Variants in JAKMIP3 observed in about 807,000 individuals in gnomAD.
JAKMIP3 encodes the protein janus kinase and microtubule-interacting protein 3.
Under a neutral mutation model 118.5 loss-of-function variants are expected in JAKMIP3, and 58 were observed. That is an observed-to-expected ratio of 0.49 (90% confidence interval 0.40 to 0.61). The LOEUF (loss-of-function observed/expected upper bound fraction) is 0.61, where lower values mean the gene tolerates loss of function less well. JAKMIP3 is among the 20% of genes least tolerant of loss of function. The pLI, the probability that JAKMIP3 is intolerant of heterozygous loss-of-function variation, is 0.00. For synonymous variants in JAKMIP3, 486 were observed against 451.2 expected, an observed-to-expected ratio of 1.08 and a Z score of -0.98; for missense variants, 950 against 1,109.0, an observed-to-expected ratio of 0.86 and a Z score of 2.04.
chr10:132,163,068 G>T, intron 19 of JAKMIP3, 141 bp from the exon 20 acceptor site: 1 of 781,808 alleles, frequency 1.3e-6, no homozygotes. Flanking sequence ...TTCTGCAGAG[G>T]CCACAGCACT....
chr10:132,178,278 G>A (rs925913792), intron 23 of JAKMIP3, among the ~76,000 whole-genome samples: 3 of 152,176 alleles, frequency 2.0e-5, no homozygotes, highest in African/African-American at 7.2e-5. Context: ...CCTCAGAGGC[G>A]GCCCTGGGCA....
intron 23 of JAKMIP3, among the ~76,000 whole-genome samples, chr10:132,177,449 G>A (rs889818676): frequency 2.0e-5 from 3 of 151,986 alleles, no homozygotes; most frequent in African/African-American, 7.2e-5. Context: ...TGTGCCCTGG[G>A]TAGTGTGCAT....
At chr10:132,039,848 G>T (rs2037664347) in intron 1 of JAKMIP3, among the ~76,000 whole-genome samples, 1 of 152,228 alleles carries the variant, frequency 6.6e-6, no homozygotes, top group African/African-American at 2.4e-5. Flanking sequence ...CACGTGCTGG[G>T]GCGCCTCTGC....
chr10:132,103,750 C>G (rs536502389), intron 1 of JAKMIP3, among the ~76,000 whole-genome samples: 1 of 152,014 alleles, frequency 6.6e-6, no homozygotes, highest in Non-Finnish European at 1.5e-5. Flanking sequence ...CTGGGCCATA[C>G]AGCAGGAGGC....
intron 14 of JAKMIP3, among the ~76,000 whole-genome samples, chr10:132,148,517 C>G (rs1480629280): frequency 2.6e-5 from 4 of 151,452 alleles, no homozygotes; most frequent in Non-Finnish European, 5.9e-5. Flanking sequence ...CGTCCTCCAT[C>G]CGCCCGTCCT....
intron 23 of JAKMIP3, among the ~76,000 whole-genome samples, chr10:132,180,646 C>CGTGCGCGT (rs2060948892): frequency 4.8e-4 from 4 of 8,314 alleles, no homozygotes; most frequent in African/African-American, 2.5e-3. Context: ...TGCGTGTGTG[C>CGTGCGCGT]GTGTGCGTGT....
At chr10:132,159,317 T>TGGAG (rs1199060853) in intron 19 of JAKMIP3, among the ~76,000 whole-genome samples, 1 of 113,024 alleles carries the variant, frequency 8.8e-6, no homozygotes, top group Admixed American at 1.1e-4. Flanking sequence ...TGTGTGATGC[T>TGGAG]GAGGGCGCCT....
intron 21 of JAKMIP3, 39 bp downstream of exon 21, chr10:132,164,774 C>G: frequency 7.0e-7 from 1 of 1,425,038 alleles, no homozygotes; most frequent in Non-Finnish European, 9.9e-7. Flanking sequence ...TTGTTAAGAT[C>G]AAGGGAGAGG....
At chr10:132,167,154 G>A (rs1252379327) in intron 22 of JAKMIP3, 99 bp downstream of exon 22, 9 of 823,024 alleles carry the variant, frequency 1.1e-5, no homozygotes, top group South Asian at 3.2e-5. Context: ...CCTGCCATTC[G>A]ATCAACTGGA....
intron 4 of JAKMIP3, 100 bp from the exon 5 acceptor site, chr10:132,134,941 T>C: frequency 7.0e-7 from 1 of 1,437,672 alleles, no homozygotes; most frequent in Non-Finnish European, 9.6e-7. Context: ...AAGGCGCGCG[T>C]CCCACGGCAG....
chr10:132,169,260 CT>C (rs1218603637), intron 23 of JAKMIP3, among the ~76,000 whole-genome samples: 1 of 152,094 alleles, frequency 6.6e-6, no homozygotes, highest in Non-Finnish European at 1.5e-5. Context: ...AGACATGGTG[CT>C]CCACGGGGAC....
At chr10:132,080,513 T>A in intron 1 of JAKMIP3, among the ~76,000 whole-genome samples, 1 of 41,104 alleles carries the variant, frequency 2.4e-5, no homozygotes, top group Non-Finnish European at 4.4e-5. Context: ...ATTTTTTTTT[T>A]TTTTTTTTTT....
At chr10:132,074,481 C>T (rs1366219737) in intron 1 of JAKMIP3, among the ~76,000 whole-genome samples, 1 of 152,098 alleles carries the variant, frequency 6.6e-6, no homozygotes, top group Non-Finnish European at 1.5e-5. Flanking sequence ...GGCAGTTTGT[C>T]TGTCTTTTGA....
At chr10:132,121,542 C>A (rs557872878) in intron 3 of JAKMIP3, among the ~76,000 whole-genome samples, 6 of 152,162 alleles carry the variant, frequency 3.9e-5, no homozygotes, top group Admixed American at 1.3e-4. Context: ...CTGCAGGGAG[C>A]GCCAGCCTCT....
intron 12 of JAKMIP3, 114 bp from the exon 13 acceptor site, chr10:132,145,404 G>C: frequency 9.2e-7 from 1 of 1,091,806 alleles, no homozygotes. Flanking sequence ...TGTAGAGACG[G>C]GGCTTTGCCA....
rs544222845 is a variant in JAKMIP3 at position 132,049,425 on chromosome 10, C to A, written c.-138+12687C>A. ...CCCCTTGCCTATTCTTCAACTGCCT[C>A]TTATTAAATTGTCGTTTGTGTTATT... On this transcript the variant is annotated intron_variant, in intron 1 of 23. Transcript: ENST00000657785. The surrounding 1 kb of genome is among the most constrained non-coding windows in gnomAD (Gnocchi z 4.3). Among the ~76,000 whole-genome samples the A allele has an allele frequency of 6.6e-6, 1 of 151,988 alleles. No individual in the cohort carries two copies. Among genetic ancestry groups the A allele is most frequent in the South Asian group, 2.1e-4 (1 of 4,816 alleles).
At chr10:132,074,662 C>T (rs2134058830) in intron 1 of JAKMIP3, among the ~76,000 whole-genome samples, 1 of 152,268 alleles carries the variant, frequency 6.6e-6, no homozygotes, top group Middle Eastern at 3.4e-3. Context: ...GTTTCTTTTG[C>T]TGTGCAGAAA....
At chr10:132,042,544 G>A (rs1433298900) in intron 1 of JAKMIP3, among the ~76,000 whole-genome samples, 11 of 152,052 alleles carry the variant, frequency 7.2e-5, no homozygotes, top group African/African-American at 2.2e-4. Flanking sequence ...TTCATGGTGC[G>A]GCCACCCTGG....
At chr10:132,165,490 C>T (rs576876175) in intron 21 of JAKMIP3, among the ~76,000 whole-genome samples, 21 of 152,264 alleles carry the variant, frequency 1.4e-4, no homozygotes, top group South Asian at 4.1e-4. Context: ...ATCTGCTATG[C>T]GGTGGAGCTC....
Sources: gnomAD v4.1 joint callset for allele counts (sites outside exome capture counted in the v4.1 genomes callset) on GRCh38, gnomAD v4.1.1 for gene constraint, Gnocchi (gnomAD v3.1) non-coding constraint, MANE v1.5 for transcripts, NCBI Gene and HGNC (gene_info 2026-07-23, HGNC 2026-07-21) for gene names.